Variants in PLXNA4 observed in about 807,000 individuals in gnomAD.
PLXNA4 encodes the protein plexin-A4.
A neutral mutation model predicts 191.8 loss-of-function variants in PLXNA4; 44 were observed. The ratio of observed to expected loss-of-function variants is 0.23; its 90% CI spans 0.18 to 0.29. The LOEUF (loss-of-function observed/expected upper bound fraction) is 0.29, where lower values mean the gene tolerates loss of function less well. Ranked by LOEUF, PLXNA4 falls within the 10% of genes least tolerant of loss-of-function variation. The pLI, the probability that PLXNA4 is intolerant of heterozygous loss-of-function variation, is 1.00. For synonymous variants in PLXNA4, 1,082 were observed against 1,009.5 expected (o/e 1.07, Z -1.36); for missense variants, 1,800 against 2,488.8 (o/e 0.72, Z 5.89).
intron 1 of PLXNA4, among the ~76,000 whole-genome samples, chr7:132,561,807 T>G (rs996550600): frequency 7.4e-6 from 1 of 135,920 alleles, no homozygotes; most frequent in Non-Finnish European, 1.6e-5. Context: ...CTCCTTATCC[T>G]CCTCTTTCTC....
chr7:132,384,704 T>C, intron 3 of PLXNA4: 1 of 1,018,684 alleles, frequency 9.8e-7, no homozygotes, highest in Non-Finnish European at 1.2e-6. Flanking sequence ...CCATCCTCTC[T>C]GCCCTGTGTA....
intron 2 of PLXNA4, among the ~76,000 whole-genome samples, chr7:132,502,544 T>G (rs899852054): frequency 6.6e-6 from 1 of 152,170 alleles, no homozygotes. Context: ...TGCTCAGCAC[T>G]GTAGGGCCCC....
chr7:132,213,477 T>C (rs1797867987), intron 9 of PLXNA4, among the ~76,000 whole-genome samples: 1 of 152,166 alleles, frequency 6.6e-6, no homozygotes, highest in South Asian at 2.1e-4. Flanking sequence ...TCACCTTGCA[T>C]GTGGTCTGAG....
chr7:132,519,940 T>C (rs1272557138), intron 1 of PLXNA4, among the ~76,000 whole-genome samples: 3 of 152,238 alleles, frequency 2.0e-5, no homozygotes, highest in Non-Finnish European at 2.9e-5. Flanking sequence ...CAGTTTCTTC[T>C]TGTGCTAAAT....
chr7:132,258,714 T>A (rs868776957), intron 4 of PLXNA4, among the ~76,000 whole-genome samples: 1 of 152,112 alleles, frequency 6.6e-6, no homozygotes, highest in Non-Finnish European at 1.5e-5. Context: ...AGACCCCAGA[T>A]CCAGGAAAAC....
Position 132,576,320 on chromosome 7 carries a change from T to G in PLXNA4, c.-87+102A>C. 9.1e-6 allele frequency: 8 copies of G among 880,814 alleles called. No individual in the cohort carries two copies. Among genetic ancestry groups the G allele is most frequent in the Non-Finnish European group, 1.1e-5 (8 of 735,406 alleles). 54.6% of individuals were successfully genotyped at this position (880,814 alleles called of 1,614,324 possible). The stretch of plus-strand genomic sequence containing the variant: ...GTGTGCGTGTGCGTGTGCCGCGGGC[T>G]GGCTCCGGGACACTGAGGACTCCCG... On this transcript the variant is annotated intron_variant, in intron 1 of 31. Transcript: ENST00000321063. This position sits in a 1 kb window ranked among gnomAD's most constrained non-coding sequence, Gnocchi z 5.8.
chr7:132,486,945 C>T (rs539192944), intron 3 of PLXNA4, among the ~76,000 whole-genome samples: 3 of 152,246 alleles, frequency 2.0e-5, no homozygotes, highest in South Asian at 4.2e-4. Context: ...ACTTGACCTC[C>T]CTGTCGGGGA....
chr7:132,293,041 G>T (rs144399850), intron 4 of PLXNA4, among the ~76,000 whole-genome samples: 4 of 152,232 alleles, frequency 2.6e-5, no homozygotes, highest in African/African-American at 9.6e-5. Context: ...CAGGGTCCAG[G>T]GTCACAAAAT....
chr7:132,214,277 G>A (rs1042276817), intron 9 of PLXNA4, among the ~76,000 whole-genome samples: 5 of 152,126 alleles, frequency 3.3e-5, no homozygotes, highest in South Asian at 2.1e-4. Flanking sequence ...TGTCTCCCAC[G>A]TCCCCTGTAA....
rs1373151406 is a variant in PLXNA4, at chr7:132,299,107, T to C, written c.1372-885A>G. On this transcript the variant is annotated intron_variant, in intron 3 of 31. Coordinates refer to ENST00000321063, the MANE Select transcript of PLXNA4 (RefSeq NM_020911.2). ...TGTGTTTGAGTGCATAGATCCAACATGACCGCTGCGCAGTCAGTGCTAAAA... is the reference window on the plus strand; with the variant it reads ...TGTGTTTGAGTGCATAGATCCAACACGACCGCTGCGCAGTCAGTGCTAAAA... Among the ~76,000 whole-genome samples the C allele has an allele frequency of 3.9e-5, 6 of 152,226 alleles. No individual in the cohort carries two copies. In the South Asian group the frequency reaches 8.3e-4, roughly 21 times the overall value.
chr7:132,420,342 C>T (rs554756481), intron 3 of PLXNA4, among the ~76,000 whole-genome samples: 1 of 152,318 alleles, frequency 6.6e-6, no homozygotes. Flanking sequence ...GATTCCTGAG[C>T]TGCTGGTCCA....
At chr7:132,179,633 C>T in intron 20 of PLXNA4, 54 bp downstream of exon 20, 1 of 1,584,364 alleles carries the variant, frequency 6.3e-7, no homozygotes, top group East Asian at 2.3e-5. Flanking sequence ...TGCATGCACA[C>T]ACATATGCAC....
intron 3 of PLXNA4, among the ~76,000 whole-genome samples, chr7:132,304,919 T>C (rs1364514): frequency 0.38 from 57,758 of 152,086 alleles, 11,950 homozygotes; most frequent in African/African-American, 0.54. Context: ...CAGCCAGCTG[T>C]ATGGTCCCCA....
intron 3 of PLXNA4, among the ~76,000 whole-genome samples, chr7:132,410,595 T>A (rs1480667723): frequency 6.6e-6 from 1 of 152,164 alleles, no homozygotes; most frequent in Non-Finnish European, 1.5e-5. Context: ...GAGAGGCTGG[T>A]GTCATAGAGG....
At chr7:132,460,624 T>G (rs1796472409) in intron 3 of PLXNA4, among the ~76,000 whole-genome samples, 1 of 152,108 alleles carries the variant, frequency 6.6e-6, no homozygotes, top group Non-Finnish European at 1.5e-5. Context: ...ACTGGAAAAG[T>G]CAAACCTAGC....
At position 132,264,593 on chromosome 7, in the gene PLXNA4, C is replaced by A. The variant is rs1312860689; in HGVS notation, c.1504-23427G>T. ...GCTGGGTTTATAACACCACCTAAAC[C>A]ACAGGCCACGCTGGGCTCCTCATGC... On this transcript the variant is annotated intron_variant, in intron 4 of 31. Transcript: ENST00000321063. Among the ~76,000 whole-genome samples the A allele has an allele frequency of 2.6e-5, 4 of 152,236 alleles. No homozygotes were observed. The South Asian group carries it at 8.3e-4, about 32-fold the overall frequency.
At chr7:132,623,724 AAAAACAACCACTCCAAAGGCCTTT>A (rs1803318437) in intron 2 of PLXNA4, among the ~76,000 whole-genome samples, 1 of 152,104 alleles carries the variant, frequency 6.6e-6, no homozygotes, top group Non-Finnish European at 1.5e-5. Context: ...AGAACAGTTT[AAAAACAACCACTCCAAAGGCCTTT>A]ACAGGTGACC....
At chr7:132,243,578 A>G (rs1798950833) in intron 4 of PLXNA4, among the ~76,000 whole-genome samples, 1 of 152,196 alleles carries the variant, frequency 6.6e-6, no homozygotes, top group Non-Finnish European at 1.5e-5. Flanking sequence ...GATTTTAAAC[A>G]TGAGTCATTT....
At chr7:132,631,720 C>A (rs1803493868) in intron 2 of PLXNA4, among the ~76,000 whole-genome samples, 2 of 152,180 alleles carry the variant, frequency 1.3e-5, no homozygotes. Flanking sequence ...CTCATCTGCT[C>A]CTCACCCACC....
Sources: gnomAD v4.1 joint callset for allele counts (sites outside exome capture counted in the v4.1 genomes callset) on GRCh38, gnomAD v4.1.1 for gene constraint, Gnocchi (gnomAD v3.1) non-coding constraint, MANE v1.5 for transcripts, NCBI Gene and HGNC (gene_info 2026-07-23, HGNC 2026-07-21) for gene names.